Variants in MYO3B observed in about 807,000 individuals in gnomAD.
The protein encoded by MYO3B is myosin IIIB.
A neutral mutation model predicts 174.6 loss-of-function variants in MYO3B; 156 were observed. That is an observed-to-expected ratio of 0.89 (90% CI 0.78 to 1.02). MYO3B has a LOEUF of 1.02. MYO3B is among the 50% of genes least tolerant of loss of function. MYO3B has a pLI of 0.00. For missense variants in MYO3B, 1,632 were observed against 1,639.4 expected (o/e 1.00, Z 0.08); for synonymous variants, 563 against 569.1 (o/e 0.99, Z 0.15).
At chr2:170,539,611 TTTTA>T (rs1354621295) in intron 30 of MYO3B, among the ~76,000 whole-genome samples, 3 of 69,502 alleles carry the variant, frequency 4.3e-5, no homozygotes, top group African/African-American at 1.2e-4. Flanking sequence ...TAATAATTCT[TTTTA>T]TTTATTTATT....
chr2:170,342,925 T>G (rs1316626735), intron 8 of MYO3B, among the ~76,000 whole-genome samples: 1 of 152,096 alleles, frequency 6.6e-6, no homozygotes. Context: ...GTTTTGAAAG[T>G]GGCAATGACT....
At chr2:170,256,836 A>T (rs536675830) in intron 7 of MYO3B, among the ~76,000 whole-genome samples, 2 of 152,174 alleles carry the variant, frequency 1.3e-5, no homozygotes, top group African/African-American at 4.8e-5. Context: ...AACAAGACCC[A>T]ACTGTCTGCT....
At chr2:170,536,476 T>A in intron 30 of MYO3B, among the ~76,000 whole-genome samples, 1 of 152,256 alleles carries the variant, frequency 6.6e-6, no homozygotes, top group East Asian at 1.9e-4. Context: ...TTACTGGGTA[T>A]CCAAACCTGA....
chr2:170,503,300 T>A (rs1205021272), intron 28 of MYO3B, among the ~76,000 whole-genome samples: 1 of 152,216 alleles, frequency 6.6e-6, no homozygotes, highest in Non-Finnish European at 1.5e-5. Context: ...TAATGCCAAG[T>A]GAATACTGCT....
chr2:170,210,574 T>C (rs1236660569), intron 3 of MYO3B, among the ~76,000 whole-genome samples: 1 of 152,194 alleles, frequency 6.6e-6, no homozygotes, highest in Non-Finnish European at 1.5e-5. Context: ...GTGTGGTTAA[T>C]TCCTTATGTC....
intron 32 of MYO3B, among the ~76,000 whole-genome samples, chr2:170,566,688 C>T (rs988140047): frequency 2.0e-5 from 3 of 152,028 alleles, no homozygotes; most frequent in African/African-American, 7.2e-5. Flanking sequence ...TAGAAGAAAG[C>T]TCAAATTTTA....
chr2:170,212,820 G>A (rs60728799), intron 3 of MYO3B, among the ~76,000 whole-genome samples: 7,062 of 152,228 alleles, frequency 0.046, 438 homozygotes, highest in East Asian at 0.29. Flanking sequence ...GTCTGCTGTG[G>A]GGATGCCCAT....
At chr2:170,294,582 A>G (rs1166341589) in intron 7 of MYO3B, among the ~76,000 whole-genome samples, 1 of 152,114 alleles carries the variant, frequency 6.6e-6, no homozygotes, top group Non-Finnish European at 1.5e-5. Flanking sequence ...CAATTTTTGA[A>G]TTAATGTATG....
intron 25 of MYO3B, among the ~76,000 whole-genome samples, chr2:170,472,205 A>G (rs1433679972): frequency 6.6e-6 from 1 of 152,124 alleles, no homozygotes; most frequent in Non-Finnish European, 1.5e-5. Flanking sequence ...ATCTGAGCAT[A>G]TTGTTTCCTT....
rs565095707 is a variant in MYO3B at position 170,630,691 on chromosome 2, G to A, written c.3734-20937G>A. Among the ~76,000 whole-genome samples, 26 of 152,304 alleles carry A rather than the reference G, an allele frequency of 1.7e-4. No homozygotes were observed. The South Asian group carries it at 1.9e-3, about 11-fold the overall frequency. On this transcript the variant is annotated intron_variant, in intron 32 of 34. Transcript: ENST00000408978. Reference sequence around the variant, plus strand: ...ATACAGCTGGGTGCCCCTCTGAGACGAAGCTTCAGAGGAAGGATCAGGCAG... The same window carrying A: ...ATACAGCTGGGTGCCCCTCTGAGACAAAGCTTCAGAGGAAGGATCAGGCAG...
intron 16 of MYO3B, among the ~76,000 whole-genome samples, chr2:170,392,772 G>A (rs534415540): frequency 1.1e-3 from 160 of 152,226 alleles, no homozygotes; most frequent in Non-Finnish European, 1.7e-3. Context: ...AACTAGGGGA[G>A]CACTGTTTTA....
intron 6 of MYO3B, among the ~76,000 whole-genome samples, chr2:170,233,982 T>G (rs1164592290): frequency 6.6e-6 from 1 of 151,596 alleles, no homozygotes; most frequent in East Asian, 1.9e-4. Context: ...CCATCCCGGC[T>G]ATAACGGTGA....
At chr2:170,189,214 T>C (rs969440837) in intron 1 of MYO3B, among the ~76,000 whole-genome samples, 3 of 152,192 alleles carry the variant, frequency 2.0e-5, no homozygotes, top group African/African-American at 7.2e-5. Flanking sequence ...GCTCTTTGTA[T>C]GTAATTTGTC....
At chr2:170,183,908 A>G (rs1373961102) in intron 1 of MYO3B, among the ~76,000 whole-genome samples, 1 of 152,082 alleles carries the variant, frequency 6.6e-6, no homozygotes, top group East Asian at 1.9e-4. Flanking sequence ...AAAACTTACC[A>G]GATTCATTTT....
chr2:170,441,285 T>C (rs1574983665), intron 22 of MYO3B, among the ~76,000 whole-genome samples: 1 of 152,350 alleles, frequency 6.6e-6, no homozygotes, highest in East Asian at 1.9e-4. Flanking sequence ...TTGCCCCAGC[T>C]AAGACTTCCA....
chr2:170,479,708 T>C (rs965463836), intron 25 of MYO3B, among the ~76,000 whole-genome samples: 6 of 147,254 alleles, frequency 4.1e-5, no homozygotes, highest in African/African-American at 1.5e-4. Flanking sequence ...TATACACATA[T>C]ATAACACCTA....
chr2:170,612,813 C>G (rs1695204099), intron 32 of MYO3B, among the ~76,000 whole-genome samples: 2 of 152,208 alleles, frequency 1.3e-5, no homozygotes, highest in African/African-American at 4.8e-5. Context: ...TACTTCAGGA[C>G]AAGCAACCTT....
At chr2:170,529,457 T>C (rs1689205188) in intron 30 of MYO3B, among the ~76,000 whole-genome samples, 1 of 152,118 alleles carries the variant, frequency 6.6e-6, no homozygotes. Flanking sequence ...TTCTTCCTTT[T>C]TTTTCTTTCT....
intron 32 of MYO3B, among the ~76,000 whole-genome samples, chr2:170,638,745 AG>A (rs1289174056): frequency 1.3e-5 from 2 of 152,246 alleles, no homozygotes; most frequent in East Asian, 3.8e-4. Context: ...CAGAATCTTC[AG>A]GCCAGAACAT....
Sources: gnomAD v4.1 joint callset for allele counts (sites outside exome capture counted in the v4.1 genomes callset) on GRCh38, gnomAD v4.1.1 for gene constraint, MANE v1.5 for transcripts, NCBI Gene and HGNC (gene_info 2026-07-23, HGNC 2026-07-21) for gene names.